RPS19: variants seen among roughly 807,000 people sequenced by gnomAD.
The protein encoded by RPS19 is small ribosomal subunit protein eS19.
RPS19 carries 1 observed loss-of-function variant against 20.3 expected under a neutral mutation model. That is an observed-to-expected ratio of 0.05 (90% CI 0.02 to 0.23). RPS19 has a LOEUF of 0.23. Among genes scored for constraint, RPS19 ranks in the 10% least tolerant of loss-of-function variants. The pLI is 1.00. For missense variants in RPS19, 111 were observed against 192.7 expected, an observed-to-expected ratio of 0.58 and a Z score of 2.51; for synonymous variants, 87 against 74.8, an observed-to-expected ratio of 1.16 and a Z score of -0.84.
rs1555839188 is a variant in RPS19 at position 41,861,208 on chromosome 19, A to C, written c.168A>C (p.Arg56=). Residue 56 remains arginine (R), a synonymous_variant, in exon 3 of 6, where the codon CGA becomes CGC. Transcript: ENST00000598742. ...APYDENWFYT[R]AASTARHLYL... is the part of the protein sequence containing the mutation. Reference sequence around the variant, plus strand: ...ACGATGAGAACTGGTTCTACACGCGAGCTGGTGAGGAACTTAGGTCTTTGG... The same window carrying C: ...ACGATGAGAACTGGTTCTACACGCGCGCTGGTGAGGAACTTAGGTCTTTGG... 2.5e-6 allele frequency: 4 copies of C among 1,612,826 alleles called. No individual in the cohort carries two copies. The highest frequency in any genetic ancestry group is 3.4e-6 in the Non-Finnish European group (4 of 1,178,846).
intron 5 of RPS19, among the ~76,000 whole-genome samples, chr19:41,870,166 C>T (rs944876915): frequency 2.0e-5 from 3 of 151,824 alleles, no homozygotes; most frequent in African/African-American, 7.3e-5. Context: ...CACTTGAACC[C>T]GGGAGGTGGA....
At chr19:41,869,361 C>G in intron 4 of RPS19, 147 bp downstream of exon 4, 1 of 784,086 alleles carries the variant, frequency 1.3e-6, no homozygotes, top group East Asian at 2.7e-5. Context: ...GAAAAGCAAA[C>G]AGCACGGGGC....
chr19:41,865,970 AAGGC>A (rs1180986483), intron 3 of RPS19, among the ~76,000 whole-genome samples: 2 of 98,164 alleles, frequency 2.0e-5, no homozygotes, highest in Non-Finnish European at 4.2e-5. Context: ...AAAAAAAAAA[AAGGC>A]CGGGCGCGGT....
intron 4 of RPS19, 62 bp from the exon 5 acceptor site, chr19:41,869,637 G>A: frequency 6.4e-7 from 1 of 1,570,086 alleles, no homozygotes; most frequent in Non-Finnish European, 8.7e-7. Context: ...CAGCCAGGAG[G>A]GAAGGGGCTG....
chr19:41,860,533 G>A, intron 1 of RPS19: 1 of 562,228 alleles, frequency 1.8e-6, no homozygotes, highest in Non-Finnish European at 3.2e-6. Flanking sequence ...TGGGGAGTGG[G>A]GTCGCGCAGG....
chr19:41,868,510 G>A (rs1260099503), intron 3 of RPS19, among the ~76,000 whole-genome samples: 6 of 152,236 alleles, frequency 3.9e-5, no homozygotes, highest in African/African-American at 1.2e-4. Context: ...AGCTTTTTTT[G>A]CAGGCAAGGA....
chr19:41,861,641 G>A (rs2074033546), intron 3 of RPS19: 1 of 271,832 alleles, frequency 3.7e-6, no homozygotes, highest in African/African-American at 2.2e-5. Context: ...GTATTGCAAG[G>A]ATTGAATGAA....
At chr19:41,870,215 C>T (rs2074132643) in intron 5 of RPS19, among the ~76,000 whole-genome samples, 1 of 151,786 alleles carries the variant, frequency 6.6e-6, no homozygotes, top group Non-Finnish European at 1.5e-5. Context: ...GCACCCCAGC[C>T]TGGGCAACAA....
intron 3 of RPS19, among the ~76,000 whole-genome samples, chr19:41,862,234 AT>A (rs2074039549): frequency 6.6e-6 from 1 of 152,074 alleles, no homozygotes; most frequent in African/African-American, 2.4e-5. Flanking sequence ...CATTTTGTAG[AT>A]TTGTGGTACA....
At chr19:41,868,884 A>AGAG in intron 3 of RPS19, 147 bp from the exon 4 acceptor site, 1 of 819,384 alleles carries the variant, frequency 1.2e-6, no homozygotes, top group Non-Finnish European at 2.0e-6. Context: ...GTGGGTGAGG[A>AGAG]GAGGGGGCTG....
intron 5 of RPS19, 97 bp from the exon 6 acceptor site, chr19:41,871,254 G>A (rs1035782976): frequency 6.8e-5 from 68 of 996,430 alleles, no homozygotes; most frequent in Non-Finnish European, 1.1e-4. Context: ...ACCACAAATC[G>A]GGGTGCCCAC....
At chr19:41,862,859 C>G (rs891726132) in intron 3 of RPS19, among the ~76,000 whole-genome samples, 2 of 152,064 alleles carry the variant, frequency 1.3e-5, no homozygotes, top group Non-Finnish European at 2.9e-5. Flanking sequence ...CCTCACTTGC[C>G]CAGCTGTCCT....
intron 3 of RPS19, among the ~76,000 whole-genome samples, chr19:41,865,111 C>T (rs1270470894): frequency 6.6e-6 from 1 of 152,082 alleles, no homozygotes; most frequent in Non-Finnish European, 1.5e-5. Context: ...CATTGAAGAA[C>T]CTAATAGGCC....
intron 3 of RPS19, among the ~76,000 whole-genome samples, chr19:41,861,863 C>T (rs2074035516): frequency 6.6e-6 from 1 of 152,174 alleles, no homozygotes; most frequent in African/African-American, 2.4e-5. Context: ...CGTGCCAGCC[C>T]CGTCTCTTTT....
In RPS19 at chr19:41,869,314, C is replaced by A. The variant is rs545925172; in HGVS notation, c.356+100C>A. 2.2e-5 allele frequency: 25 copies of A among 1,118,666 alleles called. No homozygotes were observed. In the East Asian group the frequency reaches 3.4e-4, roughly 15 times the overall value. The allele number at this position is 1,118,666 out of a possible 1,614,324, so 69.3% of individuals were successfully genotyped here. On this transcript the variant is annotated intron_variant, in intron 4 of 5. Coordinates refer to ENST00000598742, the MANE Select transcript of RPS19 (RefSeq NM_001022.4). Reference sequence around the variant, plus strand: ...TGCATAGTCTGCCCAGCCCCTCAGGCCCCTCCTATCAGAGGCAGGCAGGAG... The same window carrying A: ...TGCATAGTCTGCCCAGCCCCTCAGGACCCTCCTATCAGAGGCAGGCAGGAG...
chr19:41,866,224 A>G (rs2074088381), intron 3 of RPS19, among the ~76,000 whole-genome samples: 1 of 152,070 alleles, frequency 6.6e-6, no homozygotes, highest in African/African-American at 2.4e-5. Flanking sequence ...CTGCACTCCA[A>G]CCTAGGCAAC....
intron 3 of RPS19, among the ~76,000 whole-genome samples, chr19:41,865,248 C>G (rs533372049): frequency 3.3e-5 from 5 of 152,054 alleles, no homozygotes; most frequent in Non-Finnish European, 5.9e-5. Flanking sequence ...GCCTGTAGTC[C>G]CAGCTACTGG....
At chr19:41,870,318 G>A (rs1003386253) in intron 5 of RPS19, among the ~76,000 whole-genome samples, 9 of 151,982 alleles carry the variant, frequency 5.9e-5, no homozygotes, top group Non-Finnish European at 2.9e-5. Flanking sequence ...AGCTGTACCC[G>A]TAGATGACTC....
At chr19:41,861,613 T>A (rs1351048835) in intron 3 of RPS19, 2 of 336,532 alleles carry the variant, frequency 5.9e-6, no homozygotes, top group Non-Finnish European at 1.2e-5. Flanking sequence ...TGGGACTAAT[T>A]ATTGTACCAG....
Sources: allele counts gnomAD v4.1 joint callset (sites outside exome capture counted in the v4.1 genomes callset), GRCh38; gene constraint gnomAD v4.1.1; transcripts MANE v1.5; gene names NCBI Gene and HGNC (gene_info 2026-07-23, HGNC 2026-07-21).